Variants in RANBP17 observed in about 807,000 individuals in gnomAD.
RANBP17 encodes ran-binding protein 17.
A neutral mutation model predicts 141.2 loss-of-function variants in RANBP17; 158 were observed. The ratio of observed to expected loss-of-function variants is 1.12; its 90% CI spans 0.98 to 1.28. The LOEUF (loss-of-function observed/expected upper bound fraction) is 1.28, where lower values mean the gene tolerates loss of function less well. RANBP17 is among the 50% of genes most tolerant of loss of function. RANBP17 has a pLI of 0.00. For synonymous variants in RANBP17, 430 were observed against 450.0 expected (o/e 0.96, Z 0.56); for missense variants, 1,438 against 1,290.7 (o/e 1.11, Z -1.75).
intron 13 of RANBP17, 113 bp downstream of exon 13, chr5:170,953,815 T>C: frequency 1.5e-6 from 1 of 669,322 alleles, no homozygotes; most frequent in Non-Finnish European, 2.6e-6. Flanking sequence ...GAGGAAGGTA[T>C]TATTTCCCTT....
intron 5 of RANBP17, among the ~76,000 whole-genome samples, chr5:170,897,919 A>T (rs1770275410): frequency 6.6e-6 from 1 of 152,244 alleles, no homozygotes; most frequent in African/African-American, 2.4e-5. Context: ...CTTTGGGTAT[A>T]TACCCAGTAA....
intron 22 of RANBP17, among the ~76,000 whole-genome samples, chr5:171,234,807 A>G (rs1301425072): frequency 2.0e-5 from 3 of 152,186 alleles, no homozygotes; most frequent in South Asian, 2.1e-4. Context: ...TTAATACCCA[A>G]GTAGAGATGT....
At chr5:171,175,915 G>A (rs1245728769) in intron 16 of RANBP17, among the ~76,000 whole-genome samples, 1 of 151,882 alleles carries the variant, frequency 6.6e-6, no homozygotes, top group African/African-American at 2.4e-5. Context: ...ACCTCAAAAA[G>A]AAGAATGTGG....
At chr5:171,226,745 A>C (rs940296103) in intron 22 of RANBP17, among the ~76,000 whole-genome samples, 1 of 152,194 alleles carries the variant, frequency 6.6e-6, no homozygotes, top group Non-Finnish European at 1.5e-5. Flanking sequence ...TTGTTCGTAA[A>C]AGCTATCACC....
intron 14 of RANBP17, among the ~76,000 whole-genome samples, chr5:171,141,780 G>A (rs1483614514): frequency 2.0e-5 from 3 of 152,074 alleles, no homozygotes; most frequent in African/African-American, 7.2e-5. Flanking sequence ...ATTCAACTAA[G>A]TCACTCAATT....
chr5:171,157,635 C>G (rs1037148302), intron 14 of RANBP17, among the ~76,000 whole-genome samples: 1 of 152,146 alleles, frequency 6.6e-6, no homozygotes, highest in African/African-American at 2.4e-5. Context: ...AAATAATTGC[C>G]TCTACAAAAG....
intron 14 of RANBP17, among the ~76,000 whole-genome samples, chr5:170,992,371 C>G (rs1158425929): frequency 1.3e-5 from 2 of 151,916 alleles, no homozygotes; most frequent in African/African-American, 2.4e-5. Context: ...TGTGTTATGC[C>G]AACATCCCTT....
At chr5:171,024,366 A>G (rs1326768745) in intron 14 of RANBP17, among the ~76,000 whole-genome samples, 2 of 152,154 alleles carry the variant, frequency 1.3e-5, no homozygotes, top group East Asian at 3.9e-4. Flanking sequence ...TTTGTAAATA[A>G]GGTTTTATGG....
chr5:171,076,893 T>C lies in RANBP17; in HGVS notation c.1711-93237T>C, dbSNP rs561294472. ...GTTGTAACTTGAGGTAAGCAAGTAA[T>C]TGAGTAGAGGAATGTTTTCTCTATG... is the stretch of plus-strand genomic sequence containing the variant. On this transcript the variant is annotated intron_variant, in intron 14 of 27. Coordinates refer to ENST00000523189, the MANE Select transcript of RANBP17 (RefSeq NM_022897.5). Among the ~76,000 whole-genome samples the C allele has an allele frequency of 1.8e-4, 27 of 152,288 alleles. No homozygotes were observed. The East Asian group carries it at 5.2e-3, about 29-fold the overall frequency.
At chr5:171,019,545 T>C (rs1780702058) in intron 14 of RANBP17, among the ~76,000 whole-genome samples, 1 of 152,194 alleles carries the variant, frequency 6.6e-6, no homozygotes, top group Admixed American at 6.5e-5. Context: ...TTTATTTGCA[T>C]AGCGGTGTTT....
chr5:171,017,343 C>T (rs968029847), intron 14 of RANBP17, among the ~76,000 whole-genome samples: 19 of 152,088 alleles, frequency 1.2e-4, no homozygotes, highest in East Asian at 7.7e-4. Flanking sequence ...TCTTCCACAA[C>T]GGTTAAACTC....
chr5:170,948,234 G>A (rs918916726), intron 12 of RANBP17, among the ~76,000 whole-genome samples: 3 of 152,120 alleles, frequency 2.0e-5, no homozygotes, highest in African/African-American at 7.2e-5. Flanking sequence ...GGAGCTAAAT[G>A]TAAGTGCAAG....
In RANBP17 at chr5:171,242,784, G is replaced by A. The variant is rs778359207; in HGVS notation, c.2740G>A (p.Val914Ile). The change falls in exon 24 of 28, where the codon GTT (valine) becomes ATT (isoleucine). Residue 914 changes from valine to isoleucine, a missense_variant. Coordinates refer to ENST00000523189, the MANE Select transcript of RANBP17 (RefSeq NM_022897.5). ...CTTAGAGCCTCCTGTACTCATGTATGTTCTCACATCTATCTCAGAGGGACT... is the reference window on the plus strand; with the variant it reads ...CTTAGAGCCTCCTGTACTCATGTATATTCTCACATCTATCTCAGAGGGACT... ...INLEPPVLMY[V>I]LTSISEGLTT... 1.2e-6 allele frequency: 2 copies of A among 1,613,708 alleles called. No homozygotes were observed. Among genetic ancestry groups the A allele is most frequent in the Non-Finnish European group, 1.7e-6 (2 of 1,179,742 alleles).
intron 20 of RANBP17, among the ~76,000 whole-genome samples, chr5:171,211,638 T>G (rs996998911): frequency 7.3e-5 from 11 of 151,074 alleles, no homozygotes; most frequent in South Asian, 2.1e-4. Flanking sequence ...GTTTTTTTTT[T>G]TTTTTTTTTT....
intron 22 of RANBP17, among the ~76,000 whole-genome samples, chr5:171,230,343 G>A (rs1046161290): frequency 1.1e-4 from 17 of 152,196 alleles, no homozygotes; most frequent in African/African-American, 4.1e-4. Context: ...ATATAGAACA[G>A]CCTGGTTGGT....
In RANBP17 at chr5:170,876,942, C is replaced by G. The variant is rs543267204; in HGVS notation, c.19-1155C>G. ...ATATTTTTTCTTTCAGAGACTGATT[C>G]TCTAATTCAAATTTAAAGTGAGGTA... On this transcript the variant is annotated intron_variant, in intron 1 of 27. Coordinates refer to ENST00000523189, the MANE Select transcript of RANBP17 (RefSeq NM_022897.5). 7.9e-5 allele frequency among the ~76,000 whole-genome samples: 12 copies of G among 152,250 alleles called. No individual in the cohort carries two copies. In the Middle Eastern group the frequency reaches 0.01, roughly 129 times the overall value.
intron 14 of RANBP17, among the ~76,000 whole-genome samples, chr5:170,981,621 G>A (rs1388568614): frequency 6.6e-6 from 1 of 151,694 alleles, no homozygotes; most frequent in Non-Finnish European, 1.5e-5. Context: ...CTTGCCTTGT[G>A]CCAGGATTGT....
chr5:170,880,369 T>C (rs1030706343), intron 2 of RANBP17, among the ~76,000 whole-genome samples: 1 of 152,210 alleles, frequency 6.6e-6, no homozygotes, highest in Non-Finnish European at 1.5e-5. Context: ...CTTCAGCTCT[T>C]TGAGAATTTG....
At chr5:171,035,790 A>G (rs1368389872) in intron 14 of RANBP17, among the ~76,000 whole-genome samples, 5 of 131,166 alleles carry the variant, frequency 3.8e-5, no homozygotes, top group Non-Finnish European at 8.1e-5. Context: ...GATTCAGGAT[A>G]TGTGTGCAGG....
Sources: gnomAD v4.1 joint callset for allele counts (sites outside exome capture counted in the v4.1 genomes callset) on GRCh38, gnomAD v4.1.1 for gene constraint, MANE v1.5 for transcripts, NCBI Gene and HGNC (gene_info 2026-07-23, HGNC 2026-07-21) for gene names.